The following FAT3 variants were observed in gnomAD, a reference collection of about 807,000 sequenced individuals.
FAT3 encodes FAT atypical cadherin 3, also known as protocadherin Fat 3.
A neutral mutation model predicts 310.2 loss-of-function variants in FAT3; 95 were observed. The observed-to-expected ratio is 0.31, with a 90% CI of 0.26 to 0.36. FAT3 has a LOEUF of 0.36. Ranked by LOEUF, FAT3 falls within the 10% of genes least tolerant of loss-of-function variation. FAT3 has a pLI of 1.00. For synonymous variants in FAT3, 2,314 were observed against 2,192.9 expected (o/e 1.06, Z -1.54); for missense variants, 5,408 against 5,715.6 (o/e 0.95, Z 1.74).
rs147231142 is a variant in FAT3, at chr11:92,883,918, A to C, written c.12937+525A>C. 8.5e-5 allele frequency among the ~76,000 whole-genome samples: 13 copies of C among 152,236 alleles called. No individual in the cohort carries two copies. The East Asian group carries it at 2.5e-3, about 29-fold the overall frequency. On this transcript the variant is annotated intron_variant, in intron 24 of 27. Transcript: ENST00000525166. This position sits in a 1 kb window ranked among gnomAD's most constrained non-coding sequence, Gnocchi z 4.2. The stretch of plus-strand genomic sequence containing the variant: ...GGGACACTTCAATTGGACCATGATG[A>C]GTTAAAGAGTCTGGGGAAAGGAGGA...
chr11:92,718,720 G>A (rs1374728205), intron 4 of FAT3, among the ~76,000 whole-genome samples: 1 of 152,140 alleles, frequency 6.6e-6, no homozygotes, highest in Non-Finnish European at 1.5e-5. Flanking sequence ...CTGGCTTCTA[G>A]ATTAGTGTTT....
At position 92,798,854 on chromosome 11, in the gene FAT3, C is replaced by T. The variant is rs748401887; in HGVS notation, c.5841C>T (p.Ser1947=). The T allele has an allele frequency of 6.2e-7, 1 of 1,613,886 alleles. No homozygotes were observed. Among genetic ancestry groups the T allele is most frequent in the Non-Finnish European group, 8.5e-7 (1 of 1,179,858 alleles). ...TTACCATAAAAAACAACAACCTCTC[C>T]AAGGATCACTACATGCTGATAGTTA... ...GVLTIKNNNL[S]KDHYMLIVKV... is the part of the protein sequence containing the mutation. The change falls in exon 10 of 28, where the codon TCC becomes TCT. Residue 1947 remains serine, a synonymous_variant. Transcript: ENST00000525166.
At chr11:92,879,928 A>G (rs1330292579) in intron 22 of FAT3, among the ~76,000 whole-genome samples, 1 of 152,122 alleles carries the variant, frequency 6.6e-6, no homozygotes, top group East Asian at 1.9e-4. Context: ...GTGCATGTAT[A>G]TCTGTAATTT....
At chr11:92,345,656 A>G (rs377326079) in intron 1 of FAT3, among the ~76,000 whole-genome samples, 44 of 152,340 alleles carry the variant, frequency 2.9e-4, no homozygotes, top group African/African-American at 1.0e-3. Flanking sequence ...AAATAGCTTC[A>G]TAGAATTGGT....
chr11:92,644,713 T>C (rs1444976710), intron 3 of FAT3, among the ~76,000 whole-genome samples: 3 of 152,240 alleles, frequency 2.0e-5, no homozygotes, highest in Non-Finnish European at 4.4e-5. Flanking sequence ...ACCAGGCTTG[T>C]TATGCGCACT....
chr11:92,889,184 A>G lies in FAT3; in HGVS notation c.13052-5A>G, dbSNP rs1022482192. The G allele has an allele frequency of 2.5e-5, 18 of 712,200 alleles. No homozygotes were observed. In the Admixed American group the frequency reaches 3.7e-4, roughly 14 times the overall value. 44.1% of individuals were successfully genotyped at this position (712,200 alleles called of 1,614,324 possible). A position where few individuals can be genotyped will look rare whatever the true frequency, so the allele number is the denominator to read the frequency against. ...CTACCTCCGACTTCTTTTCCTGACCACAAGCCTCCATAGTGACTGTCATTC... is the reference window on the plus strand; with the variant it reads ...CTACCTCCGACTTCTTTTCCTGACCGCAAGCCTCCATAGTGACTGTCATTC... On this transcript the variant is annotated splice_polypyrimidine_tract_variant and splice_region_variant and intron_variant, in intron 25 of 27. Coordinates refer to ENST00000525166, the MANE Select transcript of FAT3 (RefSeq NM_001367949.2).
chr11:92,800,387 G>A lies in FAT3; in HGVS notation c.7374G>A (p.Lys2458=). The A allele has an allele frequency of 1.2e-6, 2 of 1,613,996 alleles. No homozygotes were observed. Among genetic ancestry groups the A allele is most frequent in the Non-Finnish European group, 1.7e-6 (2 of 1,179,868 alleles). ...TTATCACATTGTCCAACCATCGGAA[G>A]CAGCGGATGGAGCCTCTGTACAGTC... is the stretch of plus-strand genomic sequence containing the variant. ...SGVITLSNHR[K]QRMEPLYSLN... Residue 2458 remains lysine, a synonymous_variant, in exon 10 of 28, where the codon AAG becomes AAA. Transcript: ENST00000525166.
chr11:92,227,399 A>G (rs1863966153), intron 1 of FAT3, among the ~76,000 whole-genome samples: 1 of 152,164 alleles, frequency 6.6e-6, no homozygotes, highest in African/African-American at 2.4e-5. Flanking sequence ...AAGCAGAGAG[A>G]CAGAGAAGCG....
At chr11:92,850,906 G>C (rs1948811996) in intron 19 of FAT3, among the ~76,000 whole-genome samples, 1 of 152,202 alleles carries the variant, frequency 6.6e-6, no homozygotes, top group African/African-American at 2.4e-5. Context: ...TGATGCTTCT[G>C]CTGAAGTGAA....
chr11:92,575,747 C>T (rs1938447568), intron 3 of FAT3, among the ~76,000 whole-genome samples: 1 of 152,120 alleles, frequency 6.6e-6, no homozygotes, highest in Non-Finnish European at 1.5e-5. Flanking sequence ...TCCCTCTTCC[C>T]TGAGAGGGGG....
At chr11:92,856,745 T>C (rs1176614998) in intron 19 of FAT3, among the ~76,000 whole-genome samples, 1 of 152,146 alleles carries the variant, frequency 6.6e-6, no homozygotes, top group African/African-American at 2.4e-5. Flanking sequence ...GAAATGTCTT[T>C]TTTTTTTCCC....
chr11:92,296,271 A>G (rs1946845142), intron 1 of FAT3, among the ~76,000 whole-genome samples: 2 of 152,170 alleles, frequency 1.3e-5, no homozygotes, highest in South Asian at 4.1e-4. Flanking sequence ...GTTGGAAAAT[A>G]CTGAAGTCAA....
Position 92,799,390 on chromosome 11 carries a change from A to T in FAT3, c.6377A>T (p.Asp2126Val). The change falls in exon 10 of 28, where the codon GAC becomes GTC. Residue 2126 changes from aspartate to valine, a missense_variant. Physicochemically the swap from Asp to Val is radical, Grantham distance 152. Transcript: ENST00000525166. ...NGEVTYVLQDDYGHFEINPNS... is the reference protein window; with the variant it reads ...NGEVTYVLQDVYGHFEINPNS... ...GAAGTGACCTATGTCCTGCAGGATG[A>T]CTATGGCCACTTTGAAATTAACCCT... 6.2e-7 allele frequency: 1 copy of T among 1,613,754 alleles called. No individual in the cohort carries two copies. The highest frequency in any genetic ancestry group is 8.5e-7 in the Non-Finnish European group (1 of 1,179,788).
intron 17 of FAT3, among the ~76,000 whole-genome samples, chr11:92,838,079 C>A (rs1948451091): frequency 6.6e-6 from 1 of 152,094 alleles, no homozygotes; most frequent in Non-Finnish European, 1.5e-5. Context: ...GTGGATTGGT[C>A]CCCACTTTAT....
At chr11:92,366,910 G>T in intron 2 of FAT3, 1 of 533,030 alleles carries the variant, frequency 1.9e-6, no homozygotes, top group South Asian at 1.4e-5. Context: ...TGCACCTCCA[G>T]ATCTTTACCT....
rs150923416 is a variant in FAT3, at chr11:92,673,914, T to G, written c.3608-23470T>G. On this transcript the variant is annotated intron_variant, in intron 3 of 27. Coordinates refer to ENST00000525166, the MANE Select transcript of FAT3 (RefSeq NM_001367949.2). ...ACTTGTTTTGGGCCAGGTATGGTGGTTCATGCCTATAATCCTAGCATTTTG... is the reference window on the plus strand; with the variant it reads ...ACTTGTTTTGGGCCAGGTATGGTGGGTCATGCCTATAATCCTAGCATTTTG... 3.0e-3 allele frequency among the ~76,000 whole-genome samples: 455 copies of G among 152,154 alleles called. 7 individuals carry two copies. The highest frequency in any genetic ancestry group is 0.025 in the East Asian group (129 of 5,160).
chr11:92,545,751 G>A (rs1234635846), intron 3 of FAT3, among the ~76,000 whole-genome samples: 1 of 152,166 alleles, frequency 6.6e-6, no homozygotes, highest in African/African-American at 2.4e-5. Context: ...TACTGTCCTG[G>A]TTTGCTTGGG....
intron 3 of FAT3, among the ~76,000 whole-genome samples, chr11:92,557,350 C>T (rs770038586): frequency 2.6e-4 from 40 of 152,048 alleles, no homozygotes; most frequent in Admixed American, 2.0e-3. Flanking sequence ...CCACTGTGCC[C>T]GGGCTGATGA....
chr11:92,676,800 A>G (rs1258241030), intron 3 of FAT3, among the ~76,000 whole-genome samples: 1 of 152,216 alleles, frequency 6.6e-6, no homozygotes, highest in African/African-American at 2.4e-5. Flanking sequence ...TTAGCTGAAA[A>G]TACTTTCTAT....
Sources: gnomAD v4.1 joint callset for allele counts (sites outside exome capture counted in the v4.1 genomes callset) on GRCh38, gnomAD v4.1.1 for gene constraint, Gnocchi (gnomAD v3.1) non-coding constraint, MANE v1.5 for transcripts, NCBI Gene and HGNC (gene_info 2026-07-23, HGNC 2026-07-21) for gene names.